ITPR3: variants seen among roughly 807,000 people sequenced by gnomAD.
The protein encoded by ITPR3 is inositol 1,4,5-trisphosphate-gated calcium channel ITPR3.
A neutral mutation model predicts 293.2 loss-of-function variants in ITPR3; 173 were observed. That is an observed-to-expected ratio of 0.59 (90% CI 0.52 to 0.67). ITPR3 has a LOEUF of 0.67. ITPR3 is among the 30% of genes least tolerant of loss of function. The probability of loss-of-function intolerance (pLI) is 0.00; values close to 1 mark genes in which losing one functional copy is unlikely to be tolerated. For synonymous variants in ITPR3, 1,295 were observed against 1,444.4 expected (o/e 0.90, Z 2.35); for missense variants, 2,796 against 3,592.1 (o/e 0.78, Z 5.66).
chr6:33,683,266 A>G lies in ITPR3; in HGVS notation c.4657A>G (p.Ser1553Gly), dbSNP rs1765127714. ...GGATGCCCACATCAGCTCGATGCTC[A>G]GCAGTGGAGCCAGCTGTGCAGCTGC... ...DLDAHISSML[S>G]SGASCAAAAQ... is the part of the protein sequence containing the mutation. Residue 1553 changes from serine (S) to glycine (G), a missense_variant, in exon 35 of 58, where the codon AGC becomes GGC. By Grantham distance (56) the Ser-to-Gly change is moderately conservative (BLOSUM62 0). Around this residue, in one of 8 missense-constraint regions of ITPR3, gnomAD observed 704 missense variants for 797.5 expected, o/e 0.88. Transcript: ENST00000605930. This position sits in a 1 kb window ranked among gnomAD's most constrained non-coding sequence, Gnocchi z 4.5. The G allele has an allele frequency of 6.4e-7, 1 of 1,571,290 alleles. No individual in the cohort carries two copies. The highest frequency in any genetic ancestry group is 8.6e-7 in the Non-Finnish European group (1 of 1,158,346).
At chr6:33,629,921 T>A (rs1386127327) in intron 1 of ITPR3, among the ~76,000 whole-genome samples, 3 of 151,824 alleles carry the variant, frequency 2.0e-5, no homozygotes, top group East Asian at 2.0e-4. Context: ...TGAAACTCCG[T>A]CTCTACTAAA....
rs1457453234 is a variant in ITPR3, at chr6:33,692,930, G to A, written c.7624+37G>A. On this transcript the variant is annotated intron_variant, in intron 55 of 57. Coordinates refer to ENST00000605930, the MANE Select transcript of ITPR3 (RefSeq NM_002224.4). This position sits in a 1 kb window ranked among gnomAD's most constrained non-coding sequence, Gnocchi z 4.2. ...TTCCTGCTCTGTGGAGGCCGCAGCGGGGCTGGAACGTCATCTGATGCCAGT... is the reference window on the plus strand; with the variant it reads ...TTCCTGCTCTGTGGAGGCCGCAGCGAGGCTGGAACGTCATCTGATGCCAGT... 1 of 1,604,130 alleles carries A rather than the reference G, an allele frequency of 6.2e-7. No individual in the cohort carries two copies. The highest frequency in any genetic ancestry group is 8.5e-7 in the Non-Finnish European group (1 of 1,173,322).
At position 33,676,758 on chromosome 6, in the gene ITPR3, C is replaced by T. The variant is rs1452952829; in HGVS notation, c.3283-10C>T. ...CCATCTCACCAGCCAGGCCCATCCT[C>T]CACCTTCAGGTTCAGCTGCTGATCT... On this transcript the variant is annotated splice_polypyrimidine_tract_variant and intron_variant, in intron 25 of 57. Coordinates refer to ENST00000605930, the MANE Select transcript of ITPR3 (RefSeq NM_002224.4). 12 of 1,613,902 alleles carry T rather than the reference C, an allele frequency of 7.4e-6. No individual in the cohort carries two copies. In the South Asian group the frequency reaches 1.3e-4, roughly 18 times the overall value.
chr6:33,664,284 A>G lies in ITPR3; in HGVS notation c.1148+404A>G, dbSNP rs1310363208. Among the ~76,000 whole-genome samples the G allele has an allele frequency of 2.6e-5, 4 of 152,146 alleles. No individual in the cohort carries two copies. Among genetic ancestry groups the G allele is most frequent in the Non-Finnish European group, 5.9e-5 (4 of 68,040 alleles). On this transcript the variant is annotated intron_variant, in intron 11 of 57. Transcript: ENST00000605930. This position sits in a 1 kb window ranked among gnomAD's most constrained non-coding sequence, Gnocchi z 4.4. The stretch of plus-strand genomic sequence containing the variant: ...CAGGCTTTGGCGTGTCCTTAGCTGT[A>G]TGACCTCAGGCTGCTACTCACTCTG...
At chr6:33,630,202 A>C (rs1256217443) in intron 1 of ITPR3, among the ~76,000 whole-genome samples, 1 of 152,150 alleles carries the variant, frequency 6.6e-6, no homozygotes, top group African/African-American at 2.4e-5. Flanking sequence ...CTTTTCCACC[A>C]TGAACACTGA....
chr6:33,658,557 CTA>C lies in ITPR3; in HGVS notation c.370-111_370-110del. On this transcript the variant is annotated intron_variant, in intron 4 of 57. Transcript: ENST00000605930. This position sits in a 1 kb window ranked among gnomAD's most constrained non-coding sequence, Gnocchi z 6.1. ...GTATGTTTGTGACAGGTGTCTGACA[CTA>C]TGTGTGCAGCCAGAATGTGACCAAG... The C allele has an allele frequency of 2.4e-6, 3 of 1,258,386 alleles. No individual in the cohort carries two copies. The highest frequency in any genetic ancestry group is 3.4e-6 in the Non-Finnish European group (3 of 892,424). The allele number at this position is 1,258,386 out of a possible 1,614,324, so 78.0% of individuals were successfully genotyped here. A position where few individuals can be genotyped will look rare whatever the true frequency, so the allele number is the denominator to read the frequency against.
rs746627335 is a variant in ITPR3 at position 33,668,652 on chromosome 6, T to C, written c.2006+18T>C. ...CGGACCGAGTGAGCCCTGTGCCCCC[T>C]GCCCGCACTTGGGCTCCACGCTGCT... On this transcript the variant is annotated intron_variant, in intron 17 of 57. Coordinates refer to ENST00000605930, the MANE Select transcript of ITPR3 (RefSeq NM_002224.4). 2 of 1,613,884 alleles carry C rather than the reference T, an allele frequency of 1.2e-6. No homozygotes were observed. Among genetic ancestry groups the C allele is most frequent in the African/African-American group, 2.7e-5 (2 of 74,928 alleles).
chr6:33,687,991 T>TG lies in ITPR3; in HGVS notation c.6265-61dup. The stretch of plus-strand genomic sequence containing the variant: ...AGAGCTAGGCGAAGGCCTGGGAGGG[T>TG]GGGGGCTGAGTGCCAGCCTGGATGT... On this transcript the variant is annotated intron_variant, in intron 46 of 57. Coordinates refer to ENST00000605930, the MANE Select transcript of ITPR3 (RefSeq NM_002224.4). The surrounding 1 kb of genome is among the most constrained non-coding windows in gnomAD (Gnocchi z 5.3). The TG allele has an allele frequency of 7.7e-7, 1 of 1,294,596 alleles. No homozygotes were observed. Among genetic ancestry groups the TG allele is most frequent in the Non-Finnish European group, 1.1e-6 (1 of 914,118 alleles). 80.2% of individuals were successfully genotyped at this position (1,294,596 alleles called of 1,614,324 possible).
In ITPR3 at chr6:33,684,510, T is replaced by C; in HGVS notation, c.5046+45T>C. The C allele has an allele frequency of 6.3e-7, 1 of 1,598,586 alleles. No homozygotes were observed. The highest frequency in any genetic ancestry group is 8.6e-7 in the Non-Finnish European group (1 of 1,166,164). ...AAGTGCTGGGTGGGCCAGTCAGGAG[T>C]ACCCAGGGGCTCAGGGTCAAGCCCG... On this transcript the variant is annotated intron_variant, in intron 37 of 57. Coordinates refer to ENST00000605930, the MANE Select transcript of ITPR3 (RefSeq NM_002224.4). The surrounding 1 kb of genome is among the most constrained non-coding windows in gnomAD (Gnocchi z 4.2).
Position 33,696,332 on chromosome 6 carries a change from G to A in ITPR3, c.*552G>A, listed in dbSNP as rs141749512. The A allele has an allele frequency of 7.0e-4, 108 of 154,074 alleles. No individual in the cohort carries two copies. Among genetic ancestry groups the A allele is most frequent in the Non-Finnish European group, 1.2e-3 (81 of 68,952 alleles). 9.5% of individuals were successfully genotyped at this position (154,074 alleles called of 1,614,324 possible). On this transcript the variant is annotated 3_prime_UTR_variant, in exon 58 of 58. Coordinates refer to ENST00000605930, the MANE Select transcript of ITPR3 (RefSeq NM_002224.4). ...TCACTGTCGTGTCCATGCCACCCCC[G>A]GCATGGCTCCAGGTGGCCTGGTGAC...
rs751332893 is a variant in ITPR3 at position 33,688,429 on chromosome 6, G to A, written c.6566G>A (p.Arg2189His). Reference sequence around the variant, plus strand: ...GAGATGGAGTGGCAGCGCAAGCTCCGCAGTGAGGACCCACGGGCGGGAGGG... The same window carrying A: ...GAGATGGAGTGGCAGCGCAAGCTCCACAGTGAGGACCCACGGGCGGGAGGG... ...HNEMEWQRKL[R>H]SMPLIYWFSR... is the part of the protein sequence containing the mutation. The change falls in exon 48 of 58, where the codon CGC becomes CAC. Residue 2189 changes from arginine to histidine, a missense_variant and splice_region_variant. By Grantham distance (29) the Arg-to-His change is conservative. Coordinates refer to ENST00000605930, the MANE Select transcript of ITPR3 (RefSeq NM_002224.4). 8 of 1,377,818 alleles carry A rather than the reference G, an allele frequency of 5.8e-6. No homozygotes were observed. Among genetic ancestry groups the A allele is most frequent in the Non-Finnish European group, 5.9e-6 (6 of 1,022,042 alleles). 85.3% of individuals were successfully genotyped at this position (1,377,818 alleles called of 1,614,324 possible).
intron 23 of ITPR3, 69 bp from the exon 24 acceptor site, chr6:33,674,139 G>A: frequency 1.3e-6 from 2 of 1,571,286 alleles, no homozygotes; most frequent in Non-Finnish European, 8.7e-7. Context: ...TGGTTTGAGT[G>A]TCTCCCTGTG....
intron 1 of ITPR3, among the ~76,000 whole-genome samples, chr6:33,631,913 C>G (rs778820824): frequency 6.6e-6 from 1 of 152,182 alleles, no homozygotes; most frequent in South Asian, 2.1e-4. Context: ...ACCGGTTATT[C>G]CTAGGTTATA....
Position 33,670,737 on chromosome 6 carries a change from C to T in ITPR3, c.2508C>T (p.Phe836=), listed in dbSNP as rs2229635. 231 of 1,614,142 alleles carry T rather than the reference C, an allele frequency of 1.4e-4. No individual in the cohort carries two copies. The highest frequency in any genetic ancestry group is 1.9e-4 in the Non-Finnish European group (223 of 1,180,028). The change falls in exon 20 of 58, where the codon TTC becomes TTT. Residue 836 remains phenylalanine (F), a synonymous_variant. Transcript: ENST00000605930. The surrounding 1 kb of genome is among the most constrained non-coding windows in gnomAD (Gnocchi z 6.7). ...ACAAGTTTGCCAACACCATGGAGTTCGTGGAGGACTACCTCAACAATGTAG... is the reference window on the plus strand; with the variant it reads ...ACAAGTTTGCCAACACCATGGAGTTTGTGGAGGACTACCTCAACAATGTAG... ...KKNKFANTME[F]VEDYLNNVVS...
intron 56 of ITPR3, chr6:33,694,272 C>CAATG (rs1275117526): frequency 6.4e-6 from 1 of 155,820 alleles, no homozygotes; most frequent in Non-Finnish European, 1.4e-5. Context: ...GGAGTGAAGG[C>CAATG]AATGAATCAT....
At chr6:33,652,654 T>A (rs906479922) in intron 2 of ITPR3, among the ~76,000 whole-genome samples, 3 of 151,894 alleles carry the variant, frequency 2.0e-5, no homozygotes, top group African/African-American at 7.3e-5. Context: ...TTAGTAGAGA[T>A]GGGGTTTCAC....
chr6:33,663,177 G>A (rs930375911), intron 9 of ITPR3, among the ~76,000 whole-genome samples, 171 bp downstream of exon 9: 8 of 152,226 alleles, frequency 5.3e-5, no homozygotes, highest in Admixed American at 3.9e-4. Context: ...CTGTAAATAA[G>A]CCTAATAAAT....
At position 33,685,487 on chromosome 6, in the gene ITPR3, C is replaced by CAGCCAGCCACATGAGGACCGCG; in HGVS notation, c.5443_5464dup (p.Val1822AlafsTer3). ...TGGCAGTCAACATGAATGACCTGGG[C>CAGCCAGCCACATGAGGACCGCG]AGCCAGCCACATGAGGACCGCGAGC... is the stretch of plus-strand genomic sequence containing the variant. On this transcript the variant is annotated frameshift_variant, in exon 40 of 58. Coordinates refer to ENST00000605930, the MANE Select transcript of ITPR3 (RefSeq NM_002224.4). LOFTEE classifies it high-confidence loss of function. 6.2e-7 allele frequency: 1 copy of CAGCCAGCCACATGAGGACCGCG among 1,613,382 alleles called. No homozygotes were observed. The highest frequency in any genetic ancestry group is 8.5e-7 in the Non-Finnish European group (1 of 1,179,802).
chr6:33,670,784 C>T lies in ITPR3; in HGVS notation c.2555C>T (p.Ala852Val). The part of the protein sequence containing the change: ...NNVVSEAVPF[A>V]NEEKNKLTFE... ...GTAGTCAGCGAGGCCGTGCCCTTTG[C>T]CAACGAGGAGAAGAACAAGCTCACT... is the stretch of plus-strand genomic sequence containing the variant. The change falls in exon 20 of 58, where the codon GCC (alanine) becomes GTC (valine). Residue 852 changes from alanine (A) to valine (V), a missense_variant. Ala to Val is a moderately conservative substitution (Grantham distance 64). Transcript: ENST00000605930. The surrounding 1 kb of genome is among the most constrained non-coding windows in gnomAD (Gnocchi z 6.7). The T allele has an allele frequency of 6.2e-7, 1 of 1,614,028 alleles. No homozygotes were observed. Among genetic ancestry groups the T allele is most frequent in the Non-Finnish European group, 8.5e-7 (1 of 1,180,026 alleles).
Sources: gnomAD v4.1 joint callset for allele counts (sites outside exome capture counted in the v4.1 genomes callset) on GRCh38, gnomAD v4.1.1 for gene constraint, gnomAD v4.1.1 regional missense constraint, Gnocchi (gnomAD v3.1) non-coding constraint, MANE v1.5 for transcripts, NCBI Gene and HGNC (gene_info 2026-07-23, HGNC 2026-07-21) for gene names.